SERPINA4: variants seen among roughly 807,000 people sequenced by gnomAD.
SERPINA4 encodes kallistatin.
In SERPINA4, 24 loss-of-function variants were observed where a neutral mutation model predicts 25.4. The ratio of observed to expected loss-of-function variants is 0.95; its 90% CI spans 0.69 to 1.33. The LOEUF is 1.33. Among genes scored for constraint, SERPINA4 ranks in the 40% most tolerant of loss-of-function variants. The pLI is 0.00. For synonymous variants in SERPINA4, 242 were observed against 223.6 expected, an observed-to-expected ratio of 1.08 and a Z score of -0.73; for missense variants, 553 against 535.8, an observed-to-expected ratio of 1.03 and a Z score of -0.32.
chr14:94,568,874 A>AAAAAAAAG (rs59843182), intron 4 of SERPINA4, among the ~76,000 whole-genome samples: 31,954 of 146,008 alleles, frequency 0.22, 3,933 homozygotes, highest in South Asian at 0.34. Flanking sequence ...TCTCAAAAAA[A>AAAAAAAAG]AAAAAAAAGA....
At position 94,568,220 on chromosome 14, in the gene SERPINA4, A is replaced by G. The variant is rs2139907467; in HGVS notation, c.1015A>G (p.Thr339Ala). The G allele has an allele frequency of 6.2e-7, 1 of 1,614,240 alleles. No individual in the cohort carries two copies. The highest frequency in any genetic ancestry group is 8.5e-7 in the Non-Finnish European group (1 of 1,180,040). ...LDQILPRLGF[T>A]DLFSKWADLS... ...TCAGATTTTGCCCAGGCTGGGCTTC[A>G]CGGATCTGTTCTCCAAGTGGGCTGA... Residue 339 changes from threonine to alanine, a missense_variant, in exon 4 of 5, where the codon ACG (threonine) becomes GCG (alanine). Physicochemically the swap from Thr to Ala is moderately conservative, Grantham distance 58. Coordinates refer to ENST00000557004, the MANE Select transcript of SERPINA4 (RefSeq NM_006215.4).
chr14:94,565,748 C>T (rs1902183337), intron 2 of SERPINA4, among the ~76,000 whole-genome samples: 1 of 151,774 alleles, frequency 6.6e-6, no homozygotes, highest in African/African-American at 2.4e-5. Flanking sequence ...ATCCCAGCCA[C>T]TTGGGAGGCT....
intron 4 of SERPINA4, 143 bp downstream of exon 4, chr14:94,568,431 C>A (rs1902288502): frequency 2.3e-6 from 2 of 851,106 alleles, no homozygotes; most frequent in Non-Finnish European, 3.6e-6. Context: ...CAGCATCCAC[C>A]AATCAACCAG....
At position 94,561,526 on chromosome 14, in the gene SERPINA4, A is replaced by G. The variant is rs1269201858; in HGVS notation, c.-18+32A>G. 8 of 571,494 alleles carry G rather than the reference A, an allele frequency of 1.4e-5. No individual in the cohort carries two copies. In the African/African-American group the frequency reaches 1.6e-4, roughly 11 times the overall value. The allele number at this position is 571,494 out of a possible 1,614,324, so 35.4% of individuals were successfully genotyped here. A position where few individuals can be genotyped will look rare whatever the true frequency, so the allele number is the denominator to read the frequency against. ...AACCCCCTGAGACAATGGAGACGAG[A>G]GACTCTAGAGGGAGGGTGACCAACT... On this transcript the variant is annotated intron_variant, in intron 1 of 4. Transcript: ENST00000557004.
chr14:94,566,862 C>T (rs1410111474), intron 2 of SERPINA4, 108 bp from the exon 3 acceptor site: 9 of 1,322,122 alleles, frequency 6.8e-6, no homozygotes, highest in South Asian at 4.3e-5. Context: ...AGGGCAGGAT[C>T]TGGAGCGACT....
chr14:94,565,012 C>T (rs1015994892), intron 2 of SERPINA4, among the ~76,000 whole-genome samples: 55 of 152,258 alleles, frequency 3.6e-4, no homozygotes, highest in African/African-American at 1.3e-3. Context: ...GTGTATTAGC[C>T]AGGGTTTCAT....
At chr14:94,568,080 A>G in intron 3 of SERPINA4, 49 bp from the exon 4 acceptor site, 1 of 1,602,562 alleles carries the variant, frequency 6.2e-7, no homozygotes, top group Non-Finnish European at 8.5e-7. Context: ...CCCAGCAGGG[A>G]TCCTGGCTTG....
At chr14:94,569,167 G>A (rs765800486) in intron 4 of SERPINA4, among the ~76,000 whole-genome samples, 27 of 152,126 alleles carry the variant, frequency 1.8e-4, no homozygotes, top group Admixed American at 9.2e-4. Context: ...GCAAAGCCCC[G>A]GGCACAGAGC....
In SERPINA4 at chr14:94,569,713, G is replaced by T. The variant is rs1902337643; in HGVS notation, c.*118G>T. On this transcript the variant is annotated 3_prime_UTR_variant, in exon 5 of 5. Transcript: ENST00000557004. ...ATGACACCGAAGGTCCAGGAGTCCA[G>T]GACAGCAGGTGCTGGCCGGTGGGGA... 8.8e-7 allele frequency: 1 copy of T among 1,134,020 alleles called. No individual in the cohort carries two copies. The highest frequency in any genetic ancestry group is 2.5e-5 in the East Asian group (1 of 40,090). 70.2% of individuals were successfully genotyped at this position (1,134,020 alleles called of 1,614,324 possible).
Position 94,563,681 on chromosome 14 carries a change from G to A in SERPINA4, c.199G>A (p.Ala67Thr), listed in dbSNP as rs372314134. ...TGCCTTCCGCTTCTACTACCTGATC[G>A]CTTCGGAGACCCCGGGGAAGAACAT... ...DFAFRFYYLI[A>T]SETPGKNIFF... The change falls in exon 2 of 5, where the codon GCT becomes ACT. Residue 67 changes from alanine (A) to threonine (T), a missense_variant. By Grantham distance (58) the Ala-to-Thr change is moderately conservative. Transcript: ENST00000557004. 39 of 1,613,786 alleles carry A rather than the reference G, an allele frequency of 2.4e-5. No homozygotes were observed. Among genetic ancestry groups the A allele is most frequent in the African/African-American group, 4.0e-5 (3 of 75,034 alleles).
chr14:94,563,546 C>A lies in SERPINA4; in HGVS notation c.64C>A (p.Leu22Met). 1 of 1,614,102 alleles carries A rather than the reference C, an allele frequency of 6.2e-7. No individual in the cohort carries two copies. The highest frequency in any genetic ancestry group is 8.5e-7 in the Non-Finnish European group (1 of 1,180,036). The stretch of plus-strand genomic sequence containing the variant: ...ACTACTGGCCCTTTCTCATGGCCAG[C>A]TGCACGTTGAGCATGATGGTGAGAG... ...VGLLALSHGQ[L>M]HVEHDGESCS... Residue 22 changes from leucine (L) to methionine (M), a missense_variant, in exon 2 of 5, where the codon CTG becomes ATG. Coordinates refer to ENST00000557004, the MANE Select transcript of SERPINA4 (RefSeq NM_006215.4).
In SERPINA4 at chr14:94,563,618, TC is replaced by T; in HGVS notation, c.141del (p.Ser48AlafsTer4). ...HQQILETGEG[S>X]PSLKIAPANA... is the part of the protein sequence containing the mutation. ...GCAGATTCTGGAGACAGGTGAGGGC[TC>T]CCCCAGCCTCAAGATAGCCCCTGCC... On this transcript the variant is annotated frameshift_variant, in exon 2 of 5. Transcript: ENST00000557004. LOFTEE classifies it high-confidence loss of function. 2 of 1,613,586 alleles carry T rather than the reference TC, an allele frequency of 1.2e-6. No individual in the cohort carries two copies.
rs777822350 is a variant in SERPINA4, at chr14:94,563,539, T to TG, written c.59dup (p.Gln21ProfsTer5). 1 of 1,614,096 alleles carries TG rather than the reference T, an allele frequency of 6.2e-7. No individual in the cohort carries two copies. The highest frequency in any genetic ancestry group is 1.1e-5 in the South Asian group (1 of 91,088). ...TGGTTGGACTACTGGCCCTTTCTCA[T>TG]GGCCAGCTGCACGTTGAGCATGATG... is the stretch of plus-strand genomic sequence containing the variant. On this transcript the variant is annotated frameshift_variant, in exon 2 of 5. Coordinates refer to ENST00000557004, the MANE Select transcript of SERPINA4 (RefSeq NM_006215.4). LOFTEE classifies it high-confidence loss of function.
chr14:94,564,094 C>A lies in SERPINA4; in HGVS notation c.612C>A (p.Asp204Glu), dbSNP rs371042106. 2 of 1,602,596 alleles carry A rather than the reference C, an allele frequency of 1.2e-6. No homozygotes were observed. The highest frequency in any genetic ancestry group is 2.7e-5 in the African/African-American group (2 of 74,904). ...ATTTGGTCAGTGAGCTCAAGAAGGA[C>A]GTCTTGATGGTGCTGGTGAATTACA... is the stretch of plus-strand genomic sequence containing the variant. ...IVDLVSELKK[D>E]VLMVLVNYIY... The change falls in exon 2 of 5, where the codon GAC becomes GAA. Residue 204 changes from aspartate (D) to glutamate (E), a missense_variant. Physicochemically the swap from Asp to Glu is conservative, Grantham distance 45. Transcript: ENST00000557004.
chr14:94,566,920 A>T (rs1484586089), intron 2 of SERPINA4, 50 bp from the exon 3 acceptor site: 2 of 1,562,224 alleles, frequency 1.3e-6, no homozygotes, highest in Non-Finnish European at 1.7e-6. Context: ...CTGGAGGACT[A>T]GCTCTGTGGC....
At chr14:94,562,092 GAAC>G (rs1474806022) in intron 1 of SERPINA4, among the ~76,000 whole-genome samples, 1 of 152,168 alleles carries the variant, frequency 6.6e-6, no homozygotes, top group Non-Finnish European at 1.5e-5. Flanking sequence ...ATCAATAGAA[GAAC>G]AACATTTTGT....
intron 1 of SERPINA4, among the ~76,000 whole-genome samples, chr14:94,562,719 G>A (rs1244257830): frequency 6.6e-6 from 1 of 152,210 alleles, no homozygotes; most frequent in Non-Finnish European, 1.5e-5. Context: ...CTGACAACCG[G>A]ATACTGGTGG....
At position 94,567,001 on chromosome 14, in the gene SERPINA4, G is replaced by A. The variant is rs771726970; in HGVS notation, c.681G>A (p.Arg227=). 9 of 1,613,960 alleles carry A rather than the reference G, an allele frequency of 5.6e-6. No homozygotes were observed. The South Asian group carries it at 8.8e-5, about 16-fold the overall frequency. The change falls in exon 3 of 5, where the codon AGG becomes AGA. Residue 227 remains arginine (R), a synonymous_variant. Transcript: ENST00000557004. ...GGGAGAAACCATTCATTTCCTCAAG[G>A]ACCACTCCCAAAGACTTCTATGTTG... The part of the protein sequence containing the change: ...ALWEKPFISS[R]TTPKDFYVDE...
chr14:94,561,811 T>A (rs1258513424), intron 1 of SERPINA4: 2 of 1,289,666 alleles, frequency 1.6e-6, no homozygotes, highest in African/African-American at 3.0e-5. Context: ...CCAATCCAGG[T>A]GATCTTGGGG....
Sources: gnomAD v4.1 joint callset for allele counts (sites outside exome capture counted in the v4.1 genomes callset) on GRCh38, gnomAD v4.1.1 for gene constraint, MANE v1.5 for transcripts, NCBI Gene and HGNC (gene_info 2026-07-23, HGNC 2026-07-21) for gene names.